Variants in LHFPL6 observed in about 807,000 individuals in gnomAD.
The protein encoded by LHFPL6 is LHFPL tetraspan subfamily member 6.
A neutral mutation model predicts 20.6 loss-of-function variants in LHFPL6; 9 were observed. The ratio of observed to expected loss-of-function variants is 0.44; its 90% CI spans 0.26 to 0.76. LHFPL6 has a LOEUF of 0.76. Ranked by LOEUF, LHFPL6 falls within the 30% of genes least tolerant of loss-of-function variation. The pLI is 0.20. For missense variants in LHFPL6, 218 were observed against 253.5 expected (o/e 0.86, Z 0.95); for synonymous variants, 105 against 98.7 (o/e 1.06, Z -0.38).
chr13:39,402,861 G>C (rs1018389618), intron 2 of LHFPL6, among the ~76,000 whole-genome samples: 1 of 152,182 alleles, frequency 6.6e-6, no homozygotes, highest in Non-Finnish European at 1.5e-5. Context: ...ATCAAACACA[G>C]ATTTTAAAAT....
chr13:39,533,871 G>A (rs1040961), intron 2 of LHFPL6, among the ~76,000 whole-genome samples: 132,415 of 152,158 alleles, frequency 0.87, 58,130 homozygotes, highest in Non-Finnish European at 0.93. Context: ...TGAAGAACCC[G>A]TATTTGAATG....
chr13:39,576,298 T>C (rs1347081907), intron 2 of LHFPL6, among the ~76,000 whole-genome samples: 2 of 152,160 alleles, frequency 1.3e-5, no homozygotes, highest in Non-Finnish European at 2.9e-5. Flanking sequence ...AATAGATTGC[T>C]TAGGTTGGTA....
At chr13:39,518,823 G>A (rs1174909206) in intron 2 of LHFPL6, among the ~76,000 whole-genome samples, 3 of 152,330 alleles carry the variant, frequency 2.0e-5, no homozygotes, top group Non-Finnish European at 2.9e-5. Flanking sequence ...GCCCAAACAC[G>A]TGTCTACTGA....
chr13:39,600,037 A>T (rs749744864), intron 2 of LHFPL6, among the ~76,000 whole-genome samples: 1 of 152,256 alleles, frequency 6.6e-6, no homozygotes, highest in Non-Finnish European at 1.5e-5. Flanking sequence ...GGAGGTGAAA[A>T]GCACAGTGGA....
chr13:39,365,976 C>T (rs757841181), intron 3 of LHFPL6, among the ~76,000 whole-genome samples: 6 of 152,116 alleles, frequency 3.9e-5, no homozygotes, highest in Non-Finnish European at 5.9e-5. Context: ...GGTAAACAGC[C>T]ACTGCCCCAA....
At chr13:39,576,101 A>C (rs942681574) in intron 2 of LHFPL6, among the ~76,000 whole-genome samples, 3 of 152,202 alleles carry the variant, frequency 2.0e-5, no homozygotes, top group Admixed American at 1.3e-4. Flanking sequence ...TCCTGGGACC[A>C]GTGGCTCTTT....
At chr13:39,485,755 T>C (rs979069569) in intron 2 of LHFPL6, among the ~76,000 whole-genome samples, 1 of 152,172 alleles carries the variant, frequency 6.6e-6, no homozygotes, top group Non-Finnish European at 1.5e-5. Context: ...ATTTTTCAAA[T>C]CTAGAAATTG....
intron 2 of LHFPL6, among the ~76,000 whole-genome samples, chr13:39,502,575 C>T (rs1593338572): frequency 1.3e-5 from 2 of 152,052 alleles, no homozygotes; most frequent in African/African-American, 4.8e-5. Context: ...GAGCCATGAT[C>T]AAGCCACTGC....
At chr13:39,419,087 A>G (rs556770921) in intron 2 of LHFPL6, among the ~76,000 whole-genome samples, 21 of 152,350 alleles carry the variant, frequency 1.4e-4, no homozygotes, top group African/African-American at 5.1e-4. Flanking sequence ...TAGGTGAATC[A>G]GTCTACATTT....
intron 2 of LHFPL6, among the ~76,000 whole-genome samples, chr13:39,589,507 C>T (rs1476653829): frequency 6.6e-6 from 1 of 152,146 alleles, no homozygotes; most frequent in East Asian, 1.9e-4. Context: ...CGACGAACCT[C>T]TAAAAATGAC....
chr13:39,530,818 G>A (rs1211141338), intron 2 of LHFPL6, among the ~76,000 whole-genome samples: 1 of 151,254 alleles, frequency 6.6e-6, no homozygotes, highest in Non-Finnish European at 1.5e-5. Flanking sequence ...TATGGAAAAG[G>A]ACCTAAAATT....
At chr13:39,525,267 T>G (rs1484250794) in intron 2 of LHFPL6, among the ~76,000 whole-genome samples, 1 of 152,224 alleles carries the variant, frequency 6.6e-6, no homozygotes, top group Non-Finnish European at 1.5e-5. Flanking sequence ...GTTTTGTTTC[T>G]GAGGTCTCCG....
rs191286996 is a variant in LHFPL6 at position 39,528,603 on chromosome 13, A to T, written c.385+72229T>A. Among the ~76,000 whole-genome samples, 12 of 152,308 alleles carry T rather than the reference A, an allele frequency of 7.9e-5. No individual in the cohort carries two copies. In the East Asian group the frequency reaches 2.3e-3, roughly 29 times the overall value. On this transcript the variant is annotated intron_variant, in intron 2 of 3. Coordinates refer to ENST00000379589, the MANE Select transcript of LHFPL6 (RefSeq NM_005780.3). ...TTACAAATAAACTTCCACGTTTCCCATCTCGCTCTATGATACTAAAAATGA... is the reference window on the plus strand; with the variant it reads ...TTACAAATAAACTTCCACGTTTCCCTTCTCGCTCTATGATACTAAAAATGA...
intron 2 of LHFPL6, among the ~76,000 whole-genome samples, chr13:39,405,761 A>G (rs1871100022): frequency 6.6e-6 from 1 of 152,232 alleles, no homozygotes; most frequent in Admixed American, 6.5e-5. Context: ...TAGTGTTCAC[A>G]GGCCACATCA....
intron 2 of LHFPL6, among the ~76,000 whole-genome samples, chr13:39,544,472 C>T (rs1488907816): frequency 1.3e-5 from 2 of 152,186 alleles, no homozygotes; most frequent in East Asian, 3.9e-4. Flanking sequence ...CCCAATGATA[C>T]AGAACTACCA....
At chr13:39,479,775 C>G (rs533384818) in intron 2 of LHFPL6, among the ~76,000 whole-genome samples, 2 of 152,262 alleles carry the variant, frequency 1.3e-5, no homozygotes, top group East Asian at 3.9e-4. Flanking sequence ...AGTCTGCATA[C>G]TAATAGCAAA....
chr13:39,416,345 T>C (rs1367325943), intron 2 of LHFPL6, among the ~76,000 whole-genome samples: 4 of 143,504 alleles, frequency 2.8e-5, no homozygotes, highest in Admixed American at 7.3e-5. Context: ...GTTTGTTGAA[T>C]GAATGAACCT....
rs528968038 is a variant in LHFPL6, at chr13:39,573,124, T to C, written c.385+27708A>G. Among the ~76,000 whole-genome samples the C allele has an allele frequency of 2.6e-5, 4 of 152,290 alleles. No homozygotes were observed. The South Asian group carries it at 8.3e-4, about 32-fold the overall frequency. On this transcript the variant is annotated intron_variant, in intron 2 of 3. Coordinates refer to ENST00000379589, the MANE Select transcript of LHFPL6 (RefSeq NM_005780.3). Reference sequence around the variant, plus strand: ...TGTTTTGAAGATTTGTAAAAATGTATGGTATAGGACTCCAGATACAACAGT... The same window carrying C: ...TGTTTTGAAGATTTGTAAAAATGTACGGTATAGGACTCCAGATACAACAGT...
intron 2 of LHFPL6, among the ~76,000 whole-genome samples, chr13:39,402,172 A>C (rs759492925): frequency 6.6e-6 from 1 of 152,228 alleles, no homozygotes; most frequent in African/African-American, 2.4e-5. Context: ...ACTTATTTCT[A>C]TAAAATGTAA....
Sources: allele counts gnomAD v4.1 joint callset (sites outside exome capture counted in the v4.1 genomes callset), GRCh38; gene constraint gnomAD v4.1.1; transcripts MANE v1.5; gene names NCBI Gene and HGNC (gene_info 2026-07-23, HGNC 2026-07-21).